UBE2D3: variants seen among roughly 807,000 people sequenced by gnomAD.
The protein encoded by UBE2D3 is ubiquitin conjugating enzyme E2 D3, also known as ubiquitin-conjugating enzyme E2 D3.
Under a neutral mutation model 22.8 loss-of-function variants are expected in UBE2D3, and 2 were observed. The observed-to-expected ratio is 0.09, with a 90% CI of 0.04 to 0.28. The LOEUF (loss-of-function observed/expected upper bound fraction) is 0.28. Among genes scored for constraint, UBE2D3 ranks in the 10% least tolerant of loss-of-function variants. The pLI is 1.00. For synonymous variants in UBE2D3, 56 were observed against 60.4 expected (o/e 0.93, Z 0.34); for missense variants, 27 against 182.5 (o/e 0.15, Z 4.91).
At chr4:102,824,324 T>C (rs2110329097) in intron 2 of UBE2D3, among the ~76,000 whole-genome samples, 1 of 152,332 alleles carries the variant, frequency 6.6e-6, no homozygotes, top group South Asian at 2.1e-4. Flanking sequence ...TAAATTGTGA[T>C]ATTAAAATAG....
intron 1 of UBE2D3, among the ~76,000 whole-genome samples, chr4:102,847,953 T>C (rs900926787): frequency 6.6e-6 from 1 of 152,200 alleles, no homozygotes; most frequent in African/African-American, 2.4e-5. Flanking sequence ...AACCCACGTA[T>C]GCCTAGCGTT....
At chr4:102,836,141 A>ATTTTTTTTTTTTTTT (rs907557988) in intron 1 of UBE2D3, among the ~76,000 whole-genome samples, 3 of 102,648 alleles carry the variant, frequency 2.9e-5, no homozygotes, top group Non-Finnish European at 5.7e-5. Flanking sequence ...GTTTGTTTCC[A>ATTTTTTTTTTTTTTT]TTTTTTTTTT....
intron 1 of UBE2D3, among the ~76,000 whole-genome samples, chr4:102,863,505 T>C (rs1733000106): frequency 6.6e-6 from 1 of 152,050 alleles, no homozygotes; most frequent in Admixed American, 6.5e-5. Flanking sequence ...CAAATTTCTT[T>C]TTCTTTTTTG....
upstream of UBE2D3, chr4:102,827,797 T>C: frequency 2.0e-6 from 2 of 980,432 alleles, no homozygotes; most frequent in Non-Finnish European, 2.4e-6. Flanking sequence ...GATCATGAGC[T>C]GGGGGGAGGG....
intron 1 of UBE2D3, among the ~76,000 whole-genome samples, chr4:102,851,672 GT>G (rs11422292): frequency 0.53 from 72,680 of 136,846 alleles, 18,687 homozygotes; most frequent in African/African-American, 0.68. Flanking sequence ...TTTGTTTTTT[GT>G]TTTTTTTTTT....
intron 1 of UBE2D3, among the ~76,000 whole-genome samples, chr4:102,860,566 C>T (rs1434214369): frequency 6.6e-6 from 1 of 151,936 alleles, no homozygotes; most frequent in Non-Finnish European, 1.5e-5. Context: ...GAAGGTCTCT[C>T]AGACCTTTTC....
intron 2 of UBE2D3, among the ~76,000 whole-genome samples, chr4:102,817,918 A>C (rs1034614282): frequency 6.6e-6 from 1 of 151,934 alleles, no homozygotes; most frequent in South Asian, 2.1e-4. Context: ...TTAGAGCCTA[A>C]AGTTTCACAG....
chr4:102,808,800 G>C (rs1414507079), intron 4 of UBE2D3, among the ~76,000 whole-genome samples: 2 of 152,174 alleles, frequency 1.3e-5, no homozygotes, highest in African/African-American at 4.8e-5. Flanking sequence ...AATGACTAAA[G>C]TTAGAATCAG....
At position 102,802,396 on chromosome 4, in the gene UBE2D3, C is replaced by A. The variant is rs550393947; in HGVS notation, c.198+165G>T. 3.4e-5 allele frequency: 15 copies of A among 445,182 alleles called. 1 individual carries two copies. In the South Asian group the frequency reaches 9.9e-4, roughly 29 times the overall value. The allele number at this position is 445,182 out of a possible 1,614,324, so 27.6% of individuals were successfully genotyped here. On this transcript the variant is annotated intron_variant, in intron 5 of 7. Coordinates refer to ENST00000453744, the MANE Select transcript of UBE2D3 (RefSeq NM_181891.3). Reference sequence around the variant, plus strand: ...CTTATTCCTATTTACAAAGCTCAAACTGAGGTCTAGCTCTTTAAACCAAAG... The same window carrying A: ...CTTATTCCTATTTACAAAGCTCAAAATGAGGTCTAGCTCTTTAAACCAAAG...
At chr4:102,797,564 G>T in intron 7 of UBE2D3, 104 bp from the exon 8 acceptor site, 2 of 867,804 alleles carry the variant, frequency 2.3e-6, no homozygotes, top group Non-Finnish European at 3.5e-6. Flanking sequence ...TCATCATGAA[G>T]TCATCTCTAA....
At chr4:102,811,584 T>C in intron 2 of UBE2D3, 2 of 302,854 alleles carry the variant, frequency 6.6e-6, no homozygotes, top group South Asian at 2.6e-5. Context: ...GGGAGGATGA[T>C]ACAGGAGAAT....
chr4:102,808,302 C>T (rs1331362886), intron 4 of UBE2D3, among the ~76,000 whole-genome samples: 1 of 152,070 alleles, frequency 6.6e-6, no homozygotes, highest in Non-Finnish European at 1.5e-5. Flanking sequence ...TCGTGTGGGC[C>T]AAACTGGGTA....
chr4:102,845,037 AAAAG>A (rs1224283023), intron 1 of UBE2D3, among the ~76,000 whole-genome samples: 3 of 151,070 alleles, frequency 2.0e-5, no homozygotes, highest in African/African-American at 7.3e-5. Flanking sequence ...AAAAAAAAAA[AAAAG>A]AATTCTACCC....
Position 102,795,095 on chromosome 4 carries a change from C to T in UBE2D3, c.*2320G>A, listed in dbSNP as rs912013058. ...TTGGTTTTCCAGGTACTTTACTGTTCTTTTAAACCTGGAGAAGCCTCTATG... is the reference window on the plus strand; with the variant it reads ...TTGGTTTTCCAGGTACTTTACTGTTTTTTTAAACCTGGAGAAGCCTCTATG... On this transcript the variant is annotated 3_prime_UTR_variant, in exon 8 of 8. Coordinates refer to ENST00000453744, the MANE Select transcript of UBE2D3 (RefSeq NM_181891.3). 2.0e-5 allele frequency: 3 copies of T among 151,984 alleles called. No homozygotes were observed. The highest frequency in any genetic ancestry group is 2.9e-5 in the Non-Finnish European group (2 of 67,920). The allele number at this position is 151,984 out of a possible 1,614,324, so 9.4% of individuals were successfully genotyped here.
chr4:102,860,417 GTGTGTA>G (rs56375208), intron 1 of UBE2D3, among the ~76,000 whole-genome samples: 30,413 of 141,470 alleles, frequency 0.21, 3,281 homozygotes, highest in Non-Finnish European at 0.22. Context: ...GTGTGTGTGT[GTGTGTA>G]TGTGTGTGTG....
At chr4:102,800,781 A>G (rs1726032160) in intron 6 of UBE2D3, among the ~76,000 whole-genome samples, 1 of 152,110 alleles carries the variant, frequency 6.6e-6, no homozygotes. Context: ...GCCTTTTGAA[A>G]AAGCTTTTTT....
At chr4:102,828,042 AC>A (rs1227915316), upstream of UBE2D3, 1 of 985,226 alleles carries the variant, frequency 1.0e-6, no homozygotes, top group Non-Finnish European at 1.2e-6. Flanking sequence ...GCTTTTCCTG[AC>A]GGGGTTCCGC....
intron 1 of UBE2D3, chr4:102,843,853 C>T (rs1458528313): frequency 6.6e-6 from 1 of 152,048 alleles, no homozygotes; most frequent in African/African-American, 2.4e-5. Context: ...TCCCTTCATA[C>T]CATATAGAGA....
At position 102,797,142 on chromosome 4, in the gene UBE2D3, C is replaced by T. The variant is rs1405369195; in HGVS notation, c.*273G>A. 6 of 332,360 alleles carry T rather than the reference C, an allele frequency of 1.8e-5. No homozygotes were observed. The highest frequency in any genetic ancestry group is 1.1e-4 in the African/African-American group (5 of 46,734). 20.6% of individuals were successfully genotyped at this position (332,360 alleles called of 1,614,324 possible). On this transcript the variant is annotated 3_prime_UTR_variant, in exon 8 of 8. Coordinates refer to ENST00000453744, the MANE Select transcript of UBE2D3 (RefSeq NM_181891.3). ...GTGAAGACATTGGCCACATAATACACATGCTCCATTTTTTTTTTTAAAAAT... is the reference window on the plus strand; with the variant it reads ...GTGAAGACATTGGCCACATAATACATATGCTCCATTTTTTTTTTTAAAAAT...
Sources: allele counts gnomAD v4.1 joint callset (sites outside exome capture counted in the v4.1 genomes callset), GRCh38; gene constraint gnomAD v4.1.1; transcripts MANE v1.5; gene names NCBI Gene and HGNC (gene_info 2026-07-23, HGNC 2026-07-21).